CRK: variants seen among roughly 807,000 people sequenced by gnomAD.
The protein encoded by CRK is adapter molecule crk.
Under a neutral mutation model 29.8 loss-of-function variants are expected in CRK, and 4 were observed. That is an observed-to-expected ratio of 0.13 (90% CI 0.07 to 0.31). The LOEUF (loss-of-function observed/expected upper bound fraction) is 0.31, where lower values mean the gene tolerates loss of function less well. Ranked by LOEUF, CRK falls within the 10% of genes least tolerant of loss-of-function variation. CRK has a pLI of 1.00. For synonymous variants in CRK, 153 were observed against 164.9 expected (o/e 0.93, Z 0.55); for missense variants, 274 against 396.5 (o/e 0.69, Z 2.62).
intron 2 of CRK, among the ~76,000 whole-genome samples, chr17:1,426,890 G>C (rs1415563548): frequency 2.0e-5 from 3 of 151,058 alleles, no homozygotes; most frequent in African/African-American, 7.3e-5. Context: ...AAATTAGCCA[G>C]GCATAGTAGT....
At position 1,456,159 on chromosome 17, in the gene CRK, G is replaced by C; in HGVS notation, c.-42C>G. On this transcript the variant is annotated 5_prime_UTR_variant, in exon 1 of 3. Transcript: ENST00000300574. ...AAACGCTGGGGTGCCGCCGCCGCGCGCGCCCCTCCGGCCCCCGGCGCCCGC... is the reference window on the plus strand; with the variant it reads ...AAACGCTGGGGTGCCGCCGCCGCGCCCGCCCCTCCGGCCCCCGGCGCCCGC... 7.0e-7 allele frequency: 1 copy of C among 1,435,886 alleles called. No homozygotes were observed. The highest frequency in any genetic ancestry group is 9.1e-7 in the Non-Finnish European group (1 of 1,094,736). 88.9% of individuals were successfully genotyped at this position (1,435,886 alleles called of 1,614,324 possible). A position where few individuals can be genotyped will look rare whatever the true frequency, so the allele number is the denominator to read the frequency against.
intron 1 of CRK, 96 bp from the exon 2 acceptor site, chr17:1,437,251 T>C: frequency 8.2e-6 from 11 of 1,340,644 alleles, no homozygotes; most frequent in African/African-American, 3.0e-5. Context: ...GGGATCTCAC[T>C]ATGTTACCCA....
At chr17:1,450,329 A>G (rs916533757) in intron 1 of CRK, among the ~76,000 whole-genome samples, 4 of 151,990 alleles carry the variant, frequency 2.6e-5, no homozygotes, top group African/African-American at 9.7e-5. Flanking sequence ...TAACACGGTG[A>G]AACACCTCTC....
chr17:1,430,792 G>A (rs910952018), intron 2 of CRK, among the ~76,000 whole-genome samples: 2 of 151,884 alleles, frequency 1.3e-5, no homozygotes, highest in Admixed American at 1.3e-4. Flanking sequence ...CTATGGCCGG[G>A]CGCTGTGGCT....
intron 2 of CRK, among the ~76,000 whole-genome samples, chr17:1,433,884 G>C (rs1638611091): frequency 7.2e-6 from 1 of 139,442 alleles, no homozygotes; most frequent in East Asian, 2.2e-4. Flanking sequence ...ATTTTTTGTA[G>C]AGACCGGATC....
intron 2 of CRK, among the ~76,000 whole-genome samples, chr17:1,430,709 A>T (rs148072925): frequency 8.5e-4 from 129 of 151,922 alleles, no homozygotes; most frequent in African/African-American, 2.9e-3. Flanking sequence ...TAAGCAATCA[A>T]TTGGGCTAAT....
intron 1 of CRK, 152 bp downstream of exon 1, chr17:1,455,725 G>A (rs561423336): frequency 1.7e-6 from 2 of 1,197,304 alleles, no homozygotes; most frequent in Non-Finnish European, 2.2e-6. Flanking sequence ...CCCCGGGTGA[G>A]AGCGAGCCCG....
chr17:1,448,620 C>CAAAAAAAA (rs1292024313), intron 1 of CRK, among the ~76,000 whole-genome samples: 18 of 32,354 alleles, frequency 5.6e-4, no homozygotes, highest in Admixed American at 1.6e-3. Context: ...GACTCCATCT[C>CAAAAAAAA]AAAAAAAAAA....
At chr17:1,432,270 C>T (rs1161201854) in intron 2 of CRK, among the ~76,000 whole-genome samples, 1 of 151,804 alleles carries the variant, frequency 6.6e-6, no homozygotes, top group African/African-American at 2.4e-5. Context: ...AGGCGGATCG[C>T]TTGAGGCCAG....
chr17:1,446,569 C>T (rs2073976137), intron 1 of CRK, among the ~76,000 whole-genome samples: 1 of 148,960 alleles, frequency 6.7e-6, no homozygotes, highest in South Asian at 2.1e-4. Context: ...GCCACAATAG[C>T]GTGAACTGGG....
At chr17:1,452,306 T>C (rs1343802412) in intron 1 of CRK, among the ~76,000 whole-genome samples, 1 of 152,168 alleles carries the variant, frequency 6.6e-6, no homozygotes, top group Non-Finnish European at 1.5e-5. Context: ...TGAAATAAGG[T>C]ACATAAAGTA....
At chr17:1,426,937 T>C (rs900824336) in intron 2 of CRK, among the ~76,000 whole-genome samples, 2 of 145,244 alleles carry the variant, frequency 1.4e-5, no homozygotes, top group Admixed American at 7.3e-5. Context: ...GAGGCTGACA[T>C]GGGAGGATCA....
chr17:1,444,736 G>A (rs997741508), intron 1 of CRK, among the ~76,000 whole-genome samples: 4 of 151,944 alleles, frequency 2.6e-5, no homozygotes, highest in African/African-American at 9.7e-5. Context: ...GGGAGGCTGA[G>A]GCAGGAGAAT....
chr17:1,449,266 C>T (rs1324037015), intron 1 of CRK, among the ~76,000 whole-genome samples: 1 of 152,160 alleles, frequency 6.6e-6, no homozygotes, highest in African/African-American at 2.4e-5. Context: ...CGGATGCACT[C>T]CACCCAGGCA....
chr17:1,429,828 G>A (rs1024258076), intron 2 of CRK, among the ~76,000 whole-genome samples: 4 of 151,876 alleles, frequency 2.6e-5, no homozygotes, highest in Non-Finnish European at 5.9e-5. Flanking sequence ...AGCTACTTGG[G>A]AGGCTGAGGT....
At chr17:1,441,390 GT>G (rs1427234423) in intron 1 of CRK, among the ~76,000 whole-genome samples, 5 of 151,986 alleles carry the variant, frequency 3.3e-5, no homozygotes, top group Non-Finnish European at 5.9e-5. Flanking sequence ...GTGCAGTAGT[GT>G]GATCACAGCT....
chr17:1,445,568 T>C (rs925932573), intron 1 of CRK, among the ~76,000 whole-genome samples: 3 of 152,226 alleles, frequency 2.0e-5, no homozygotes, highest in Non-Finnish European at 4.4e-5. Flanking sequence ...ATTCTCTTTA[T>C]TGAGGAGGAT....
intron 2 of CRK, among the ~76,000 whole-genome samples, chr17:1,433,825 GTTTTTT>G (rs56071119): frequency 2.5e-4 from 32 of 127,326 alleles, no homozygotes; most frequent in African/African-American, 5.8e-4. Flanking sequence ...AGCATGTATG[GTTTTTT>G]TTTTTTTTTT....
intron 1 of CRK, among the ~76,000 whole-genome samples, chr17:1,452,000 A>G (rs147131895): frequency 1.8e-4 from 27 of 152,180 alleles, no homozygotes; most frequent in Admixed American, 3.3e-4. Flanking sequence ...AAACAACAAA[A>G]CAAAAAACAC....
Sources: gnomAD v4.1 joint callset for allele counts (sites outside exome capture counted in the v4.1 genomes callset) on GRCh38, gnomAD v4.1.1 for gene constraint, MANE v1.5 for transcripts, NCBI Gene and HGNC (gene_info 2026-07-23, HGNC 2026-07-21) for gene names.